The following ROBO2 variants were observed in gnomAD, a reference collection of about 807,000 sequenced individuals.
ROBO2 encodes roundabout guidance receptor 2.
ROBO2 carries 53 observed loss-of-function variants against 160.8 expected under a neutral mutation model. The observed-to-expected ratio is 0.33, with a 90% CI of 0.26 to 0.41. The LOEUF (loss-of-function observed/expected upper bound fraction) is 0.41. Among genes scored for constraint, ROBO2 ranks in the 10% least tolerant of loss-of-function variants. ROBO2 has a pLI of 1.00. For synonymous variants in ROBO2, 664 were observed against 611.7 expected (o/e 1.09, Z -1.26); for missense variants, 1,577 against 1,722.4 (o/e 0.92, Z 1.49).
chr3:76,640,259 G>C (rs144871492), intron 2 of ROBO2, among the ~76,000 whole-genome samples: 1 of 152,134 alleles, frequency 6.6e-6, no homozygotes, highest in Non-Finnish European at 1.5e-5. Flanking sequence ...GGCCGGGCGC[G>C]GTGGCTCACG....
chr3:76,593,045 A>C (rs540594533), intron 2 of ROBO2, among the ~76,000 whole-genome samples: 50 of 152,218 alleles, frequency 3.3e-4, no homozygotes, highest in African/African-American at 1.2e-3. Flanking sequence ...AAATAATTGT[A>C]AGTAATAAAC....
At chr3:76,851,764 A>AAAAAAAATATATATATATATATATAT (rs1553659595) in intron 2 of ROBO2, among the ~76,000 whole-genome samples, 1 of 137,042 alleles carries the variant, frequency 7.3e-6, no homozygotes, top group African/African-American at 2.9e-5. Flanking sequence ...AAAAAAAAAA[A>AAAAAAAATATATATATATATATATAT]ATATTAACAT....
chr3:76,598,746 A>G (rs1169025235), intron 2 of ROBO2, among the ~76,000 whole-genome samples: 1 of 152,140 alleles, frequency 6.6e-6, no homozygotes, highest in African/African-American at 2.4e-5. Context: ...ACATGTCCAG[A>G]TGGGGAAAAA....
In ROBO2 at chr3:77,568,450, C is replaced by T; in HGVS notation, c.1971+16C>T. ...CACATGGACGGTAAGCTTTCAAAGGCAATGTTAATAGTAATCTCTTCTCTT... is the reference window on the plus strand; with the variant it reads ...CACATGGACGGTAAGCTTTCAAAGGTAATGTTAATAGTAATCTCTTCTCTT... On this transcript the variant is annotated intron_variant, in intron 13 of 25. Transcript: ENST00000461745. 1 of 1,612,232 alleles carries T rather than the reference C, an allele frequency of 6.2e-7. No homozygotes were observed. Among genetic ancestry groups the T allele is most frequent in the Non-Finnish European group, 8.5e-7 (1 of 1,178,888 alleles).
intron 2 of ROBO2, among the ~76,000 whole-genome samples, chr3:76,795,501 A>G (rs1408692797): frequency 2.0e-5 from 3 of 152,160 alleles, no homozygotes; most frequent in African/African-American, 7.2e-5. Flanking sequence ...TTCCATCTCA[A>G]GAAACCACTC....
chr3:76,731,798 C>T (rs578227069), intron 2 of ROBO2, among the ~76,000 whole-genome samples: 19 of 152,162 alleles, frequency 1.2e-4, no homozygotes, highest in Admixed American at 3.9e-4. Context: ...GAAGAAAGGA[C>T]GATGTCTTAG....
intron 1 of ROBO2, among the ~76,000 whole-genome samples, chr3:75,919,589 C>A (rs1377496846): frequency 6.6e-6 from 1 of 152,098 alleles, no homozygotes; most frequent in Admixed American, 6.5e-5. Context: ...TTCTATTGTT[C>A]AGAATAGTTT....
chr3:75,986,803 T>C (rs1296349998), intron 2 of ROBO2, among the ~76,000 whole-genome samples: 1 of 151,706 alleles, frequency 6.6e-6, no homozygotes, highest in Non-Finnish European at 1.5e-5. Context: ...CCATCTTTTT[T>C]TATTTTTATT....
At chr3:76,177,388 A>T (rs548213389) in intron 2 of ROBO2, among the ~76,000 whole-genome samples, 1 of 152,150 alleles carries the variant, frequency 6.6e-6, no homozygotes, top group Non-Finnish European at 1.5e-5. Flanking sequence ...TCAAACTTAT[A>T]CTCACTTGAA....
chr3:76,847,311 G>A (rs2068866292), intron 2 of ROBO2, among the ~76,000 whole-genome samples: 1 of 152,030 alleles, frequency 6.6e-6, no homozygotes, highest in South Asian at 2.1e-4. Flanking sequence ...GAGGCCAGCT[G>A]GAAATGGTTT....
At chr3:76,797,538 C>A (rs1473146466) in intron 2 of ROBO2, among the ~76,000 whole-genome samples, 1 of 151,272 alleles carries the variant, frequency 6.6e-6, no homozygotes, top group Non-Finnish European at 1.5e-5. Context: ...AAAGCAAGAA[C>A]AAATCATACC....
intron 2 of ROBO2, among the ~76,000 whole-genome samples, chr3:77,475,038 T>A (rs2083829474): frequency 6.6e-6 from 1 of 151,418 alleles, no homozygotes; most frequent in Non-Finnish European, 1.5e-5. Context: ...CTGCCTATGG[T>A]GGAACCTGCT....
Position 76,984,478 on chromosome 3 carries a change from G to C in ROBO2, c.110-113536G>C, listed in dbSNP as rs183607370. ...CTTCACTGAGCCTATTGTTCTCCAAGAGCGCAACCACTGGGGTATCCACAC... is the reference window on the plus strand; with the variant it reads ...CTTCACTGAGCCTATTGTTCTCCAACAGCGCAACCACTGGGGTATCCACAC... On this transcript the variant is annotated intron_variant, in intron 2 of 26. Transcript: ENST00000487694. Among the ~76,000 whole-genome samples, 158 of 152,262 alleles carry C rather than the reference G, an allele frequency of 1.0e-3. 1 individual carries two copies. The highest frequency in any genetic ancestry group is 1.8e-3 in the Non-Finnish European group (121 of 68,022).
intron 24 of ROBO2, among the ~76,000 whole-genome samples, chr3:77,637,878 G>C (rs1426932205): frequency 6.6e-6 from 1 of 151,814 alleles, no homozygotes; most frequent in East Asian, 1.9e-4. Flanking sequence ...CTACCTCCTA[G>C]TTTAAAGTAT....
chr3:77,354,708 G>T (rs1434180774), intron 2 of ROBO2, among the ~76,000 whole-genome samples: 1 of 152,156 alleles, frequency 6.6e-6, no homozygotes. Flanking sequence ...AAAATTAAAA[G>T]ATGGCATTTC....
intron 2 of ROBO2, among the ~76,000 whole-genome samples, chr3:76,643,128 C>A (rs2090785582): frequency 1.3e-5 from 2 of 152,022 alleles, no homozygotes; most frequent in Admixed American, 1.3e-4. Flanking sequence ...ACTGGTAATT[C>A]TTTTCAGGAA....
intron 2 of ROBO2, among the ~76,000 whole-genome samples, chr3:76,110,143 T>C (rs2070158329): frequency 6.6e-6 from 1 of 151,902 alleles, no homozygotes; most frequent in Non-Finnish European, 1.5e-5. Context: ...TGTGGTGTTG[T>C]ATTTCAATAT....
chr3:76,243,075 A>T (rs1251494730), intron 2 of ROBO2, among the ~76,000 whole-genome samples: 1 of 152,140 alleles, frequency 6.6e-6, no homozygotes, highest in African/African-American at 2.4e-5. Flanking sequence ...TCACAAACAA[A>T]AGGCAATTCC....
chr3:77,308,897 G>T (rs1038324742), intron 2 of ROBO2, among the ~76,000 whole-genome samples: 1 of 152,014 alleles, frequency 6.6e-6, no homozygotes, highest in African/African-American at 2.4e-5. Context: ...TTTAATCCAA[G>T]GTCAAGATTA....
Sources: allele counts gnomAD v4.1 joint callset (sites outside exome capture counted in the v4.1 genomes callset), GRCh38; gene constraint gnomAD v4.1.1; transcripts MANE v1.5; gene names NCBI Gene and HGNC (gene_info 2026-07-23, HGNC 2026-07-21).